Variants in GRIK4 observed in about 807,000 individuals in gnomAD.
GRIK4 encodes the protein glutamate ionotropic receptor kainate type subunit 4.
A neutral mutation model predicts 104.9 loss-of-function variants in GRIK4; 40 were observed. That is an observed-to-expected ratio of 0.38 (90% confidence interval 0.30 to 0.50). GRIK4 has a LOEUF of 0.50. Among genes scored for constraint, GRIK4 ranks in the 20% least tolerant of loss-of-function variants. The pLI is 0.93. For missense variants in GRIK4, 1,047 were observed against 1,308.1 expected (o/e 0.80, Z 3.08); for synonymous variants, 485 against 524.9 (o/e 0.92, Z 1.04).
Position 120,564,262 on chromosome 11 carries a change from C to T in GRIK4, c.-159+52375C>T, listed in dbSNP as rs545297274. On this transcript the variant is annotated intron_variant, in intron 1 of 20. Transcript: ENST00000527524. The stretch of plus-strand genomic sequence containing the variant: ...CCCTTGTTACGGGGGAAAATGCTCT[C>T]ATTGAAGCGCCGGAGCGCAGCTTCT... Among the ~76,000 whole-genome samples, 3 of 152,366 alleles carry T rather than the reference C, an allele frequency of 2.0e-5. No individual in the cohort carries two copies. In the South Asian group the frequency reaches 6.2e-4, roughly 32 times the overall value.
chr11:120,946,308 G>A (rs1357483673), intron 14 of GRIK4, among the ~76,000 whole-genome samples: 2 of 152,174 alleles, frequency 1.3e-5, no homozygotes, highest in Non-Finnish European at 2.9e-5. Context: ...TGCGCCAGAA[G>A]CCAAACTGGG....
intron 1 of GRIK4, among the ~76,000 whole-genome samples, chr11:120,615,292 G>T (rs1048464859): frequency 6.6e-6 from 1 of 152,206 alleles, no homozygotes; most frequent in Non-Finnish European, 1.5e-5. Flanking sequence ...TGAGAGCTTG[G>T]TTCTGCCAAA....
intron 1 of GRIK4, among the ~76,000 whole-genome samples, chr11:120,594,509 G>A (rs980051774): frequency 1.3e-5 from 2 of 151,990 alleles, no homozygotes; most frequent in East Asian, 1.9e-4. Context: ...AAATAAAATC[G>A]TAACTCTTTG....
intron 1 of GRIK4, among the ~76,000 whole-genome samples, chr11:120,552,212 C>G (rs995030831): frequency 6.6e-6 from 1 of 152,276 alleles, no homozygotes; most frequent in African/African-American, 2.4e-5. Context: ...CCAGTGGGAT[C>G]TGAGTTTATC....
intron 3 of GRIK4, among the ~76,000 whole-genome samples, chr11:120,771,082 G>A (rs1453085022): frequency 6.6e-6 from 1 of 152,210 alleles, no homozygotes; most frequent in Non-Finnish European, 1.5e-5. Flanking sequence ...AATGGGTAGA[G>A]GCTGGAAGAG....
intron 11 of GRIK4, among the ~76,000 whole-genome samples, chr11:120,885,890 T>C (rs999918121): frequency 6.6e-6 from 1 of 152,160 alleles, no homozygotes; most frequent in Non-Finnish European, 1.5e-5. Context: ...TGCCCTATTA[T>C]TTTCGCCGTC....
At chr11:120,843,215 G>A (rs1218188294) in intron 8 of GRIK4, among the ~76,000 whole-genome samples, 2 of 152,250 alleles carry the variant, frequency 1.3e-5, no homozygotes, top group Non-Finnish European at 2.9e-5. Context: ...GGACTCCAGC[G>A]CCACCATTTC....
chr11:120,672,153 C>T (rs575720965), intron 3 of GRIK4, among the ~76,000 whole-genome samples: 5 of 152,104 alleles, frequency 3.3e-5, no homozygotes, highest in Admixed American at 2.6e-4. Context: ...CACAGTGGCT[C>T]ACGCCTGTAA....
chr11:120,605,674 T>C (rs529325195), intron 1 of GRIK4, among the ~76,000 whole-genome samples: 1 of 152,304 alleles, frequency 6.6e-6, no homozygotes, highest in Middle Eastern at 3.4e-3. Flanking sequence ...CTTGTTTTCA[T>C]CCTCAGAGAG....
intron 14 of GRIK4, among the ~76,000 whole-genome samples, chr11:120,949,071 T>C (rs1173436907): frequency 6.6e-6 from 1 of 152,248 alleles, no homozygotes; most frequent in Non-Finnish European, 1.5e-5. Flanking sequence ...CTTCAGACTC[T>C]GGGAAAGCAA....
chr11:120,692,479 A>AT (rs1950382347), intron 3 of GRIK4, among the ~76,000 whole-genome samples: 1 of 152,010 alleles, frequency 6.6e-6, no homozygotes, highest in Non-Finnish European at 1.5e-5. Context: ...CATGGCGGGG[A>AT]TAGAGATTTG....
At chr11:120,748,173 GGC>G (rs150890420) in intron 3 of GRIK4, among the ~76,000 whole-genome samples, 2,528 of 151,856 alleles carry the variant, frequency 0.017, 57 homozygotes, top group East Asian at 0.082. Flanking sequence ...GTGAGAAGCT[GGC>G]CGACAGGTTA....
chr11:120,725,650 C>G (rs1028930606), intron 3 of GRIK4, among the ~76,000 whole-genome samples: 3 of 152,064 alleles, frequency 2.0e-5, no homozygotes, highest in Non-Finnish European at 2.9e-5. Flanking sequence ...TGATTCTTTT[C>G]TTGAGAGCCC....
chr11:120,748,524 C>T (rs1371113944), intron 3 of GRIK4, among the ~76,000 whole-genome samples: 1 of 152,074 alleles, frequency 6.6e-6, no homozygotes, highest in Admixed American at 6.5e-5. Context: ...ATGGCTGTGT[C>T]TCCAAGTCTA....
intron 1 of GRIK4, among the ~76,000 whole-genome samples, chr11:120,565,663 C>T (rs1948312138): frequency 6.6e-6 from 1 of 152,146 alleles, no homozygotes; most frequent in Admixed American, 6.5e-5. Flanking sequence ...CTCCAGCGCC[C>T]GGCAGCGCTC....
intron 1 of GRIK4, among the ~76,000 whole-genome samples, chr11:120,584,597 A>G (rs1948633864): frequency 2.6e-5 from 4 of 152,178 alleles, no homozygotes; most frequent in Non-Finnish European, 5.9e-5. Flanking sequence ...ACAGCACCAA[A>G]CCACAAGGGA....
chr11:120,692,700 T>G (rs1477631276), intron 3 of GRIK4, among the ~76,000 whole-genome samples: 1 of 152,120 alleles, frequency 6.6e-6, no homozygotes, highest in African/African-American at 2.4e-5. Context: ...TGTGCCTTAG[T>G]AGGAAGCTTG....
chr11:120,563,182 C>G (rs774700151), intron 1 of GRIK4, among the ~76,000 whole-genome samples: 9 of 152,170 alleles, frequency 5.9e-5, no homozygotes, highest in Non-Finnish European at 1.2e-4. Flanking sequence ...CTCGCAGTGT[C>G]TAGTATCAGC....
intron 3 of GRIK4, among the ~76,000 whole-genome samples, chr11:120,693,353 G>C (rs2135314662): frequency 6.6e-6 from 1 of 151,128 alleles, no homozygotes; most frequent in East Asian, 2.0e-4. Context: ...GATTCGCCTG[G>C]CGTGGCCTCC....
Sources: allele counts gnomAD v4.1 joint callset (sites outside exome capture counted in the v4.1 genomes callset), GRCh38; gene constraint gnomAD v4.1.1; transcripts MANE v1.5; gene names NCBI Gene and HGNC (gene_info 2026-07-23, HGNC 2026-07-21).